CSMD1: variants seen among roughly 807,000 people sequenced by gnomAD.
CSMD1 encodes CUB and sushi domain-containing protein 1.
Under a neutral mutation model 417.5 loss-of-function variants are expected in CSMD1, and 213 were observed. That is an observed-to-expected ratio of 0.51 (90% CI 0.46 to 0.57). The LOEUF (loss-of-function observed/expected upper bound fraction) is 0.57, where lower values mean the gene tolerates loss of function less well. Ranked by LOEUF, CSMD1 falls within the 20% of genes least tolerant of loss-of-function variation. The probability of loss-of-function intolerance (pLI) is 0.00; values close to 1 mark genes in which losing one functional copy is unlikely to be tolerated. For synonymous variants in CSMD1, 2,862 were observed against 1,736.8 expected, an observed-to-expected ratio of 1.65 and a Z score of -16.11; for missense variants, 6,923 against 4,529.7, an observed-to-expected ratio of 1.53 and a Z score of -15.17.
At chr8:4,790,873 A>G (rs1443656731) in intron 1 of CSMD1, among the ~76,000 whole-genome samples, 3 of 152,190 alleles carry the variant, frequency 2.0e-5, no homozygotes, top group African/African-American at 7.2e-5. Flanking sequence ...CTAAACTATA[A>G]AAACCCTAGA....
intron 1 of CSMD1, among the ~76,000 whole-genome samples, chr8:4,870,992 A>T (rs28457846): frequency 6.6e-6 from 1 of 151,962 alleles, no homozygotes; most frequent in African/African-American, 2.4e-5. Flanking sequence ...GGGATGCCAC[A>T]GGGTCTGGTC....
intron 5 of CSMD1, among the ~76,000 whole-genome samples, chr8:3,996,753 C>T (rs1024718524): frequency 6.6e-5 from 10 of 152,144 alleles, no homozygotes; most frequent in Non-Finnish European, 1.3e-4. Flanking sequence ...CTTCCTCCCT[C>T]CTATTTGAAA....
intron 11 of CSMD1, among the ~76,000 whole-genome samples, chr8:3,478,503 T>C (rs970169864): frequency 6.6e-6 from 1 of 152,014 alleles, no homozygotes; most frequent in Non-Finnish European, 1.5e-5. Flanking sequence ...CAGAAGACAC[T>C]GCTAAAATGT....
At chr8:4,784,951 T>G (rs1797324279) in intron 1 of CSMD1, among the ~76,000 whole-genome samples, 1 of 149,752 alleles carries the variant, frequency 6.7e-6, no homozygotes, top group African/African-American at 2.5e-5. Context: ...ATTAGGCTCA[T>G]AAGTGGTAAA....
intron 3 of CSMD1, among the ~76,000 whole-genome samples, chr8:4,121,149 C>G (rs1201476490): frequency 3.9e-5 from 6 of 152,048 alleles, no homozygotes; most frequent in Admixed American, 3.3e-4. Context: ...GAGTCTCACT[C>G]TGTTGTCCAG....
rs548077086 is a variant in CSMD1, at chr8:3,183,174, T to A, written c.5621-1960A>T. On this transcript the variant is annotated intron_variant, in intron 36 of 69. Coordinates refer to ENST00000635120, the MANE Select transcript of CSMD1 (RefSeq NM_033225.6). ...ATCTATCCCTGAAACATCGAGTAGG[T>A]CTCTAACGCCTAATCTATCTATCCC... is the stretch of plus-strand genomic sequence containing the variant. 6.0e-5 allele frequency: 8 copies of A among 133,154 alleles called. No individual in the cohort carries two copies. In the East Asian group the frequency reaches 1.5e-3, roughly 24 times the overall value. 8.2% of individuals were successfully genotyped at this position (133,154 alleles called of 1,614,324 possible). A position where few individuals can be genotyped will look rare whatever the true frequency, so the allele number is the denominator to read the frequency against.
chr8:4,112,638 A>C (rs1292991018), intron 3 of CSMD1, among the ~76,000 whole-genome samples: 1 of 152,190 alleles, frequency 6.6e-6, no homozygotes, highest in East Asian at 1.9e-4. Flanking sequence ...ACCTGTCCAA[A>C]GGGGATCCTG....
chr8:4,640,646 G>C (rs1487927346), intron 1 of CSMD1, among the ~76,000 whole-genome samples: 7 of 152,060 alleles, frequency 4.6e-5, no homozygotes, highest in African/African-American at 1.7e-4. Context: ...CTTCAAACAA[G>C]TGGATTATTT....
At chr8:4,186,753 G>A (rs1798700845) in intron 3 of CSMD1, among the ~76,000 whole-genome samples, 1 of 151,834 alleles carries the variant, frequency 6.6e-6, no homozygotes, top group African/African-American at 2.4e-5. Flanking sequence ...TTGGGAAGCT[G>A]AGGCGGGTGG....
intron 65 of CSMD1, 111 bp downstream of exon 65, chr8:2,954,113 T>C: frequency 2.0e-6 from 1 of 512,662 alleles, no homozygotes. Flanking sequence ...ATTAACTTGG[T>C]CGTGGACTAA....
intron 22 of CSMD1, among the ~76,000 whole-genome samples, chr8:3,345,013 G>T (rs893965299): frequency 6.6e-6 from 1 of 152,276 alleles, no homozygotes; most frequent in Middle Eastern, 3.4e-3. Context: ...AATTCCAGAG[G>T]AATCTGGGTC....
rs551825554 is a variant in CSMD1 at position 4,745,304 on chromosome 8, G to C, written c.86-107746C>G. The stretch of plus-strand genomic sequence containing the variant: ...TTAAAAACACTATTGCAGCCTAATG[G>C]ATTACACTCTGGTTTTATTACTAAG... On this transcript the variant is annotated intron_variant, in intron 1 of 69. Transcript: ENST00000635120. Among the ~76,000 whole-genome samples, 61 of 152,184 alleles carry C rather than the reference G, an allele frequency of 4.0e-4. 2 individuals carry two copies. The highest frequency in any genetic ancestry group is 1.3e-4 in the Non-Finnish European group (9 of 67,992).
chr8:4,241,879 G>C (rs752416729), intron 3 of CSMD1, among the ~76,000 whole-genome samples: 1 of 152,074 alleles, frequency 6.6e-6, no homozygotes, highest in Admixed American at 6.5e-5. Flanking sequence ...GAGAAAGATG[G>C]AGGCAGAATG....
intron 7 of CSMD1, among the ~76,000 whole-genome samples, chr8:3,679,575 C>G (rs1799546652): frequency 6.6e-6 from 1 of 152,144 alleles, no homozygotes; most frequent in Admixed American, 6.5e-5. Flanking sequence ...GACTCCCACA[C>G]AATAATAATG....
rs78424477 is a variant in CSMD1, at chr8:3,824,674, A to G, written c.819-70632T>C. 9.2e-3 allele frequency among the ~76,000 whole-genome samples: 1,398 copies of G among 152,274 alleles called. 33 individuals are homozygous for G. The highest frequency in any genetic ancestry group is 0.031 in the African/African-American group (1,276 of 41,542). ...GCATTTGTTATATATTGAGTTAATG[A>G]TGTATATTAATATTAATTTTACCTG... On this transcript the variant is annotated intron_variant, in intron 5 of 69. Transcript: ENST00000635120.
intron 2 of CSMD1, among the ~76,000 whole-genome samples, chr8:4,458,953 CGAG>C: frequency 6.6e-6 from 1 of 152,162 alleles, no homozygotes; most frequent in East Asian, 1.9e-4. Flanking sequence ...TGTAAACCAA[CGAG>C]GAAACATCTA....
At position 4,312,372 on chromosome 8, in the gene CSMD1, AAC is replaced by A. The variant is rs1191266311; in HGVS notation, c.415+107579_415+107580del. On this transcript the variant is annotated intron_variant, in intron 3 of 69. Coordinates refer to ENST00000635120, the MANE Select transcript of CSMD1 (RefSeq NM_033225.6). The stretch of plus-strand genomic sequence containing the variant: ...AAAATAAGCTAATTACTTTTAATGG[AAC>A]AAATATATATATATATATACATACA... Among the ~76,000 whole-genome samples the A allele has an allele frequency of 6.4e-3, 533 of 82,722 alleles. 29 individuals carry two copies. Among genetic ancestry groups the A allele is most frequent in the African/African-American group, 0.029 (507 of 17,578 alleles). 54.3% of individuals were successfully genotyped at this position (82,722 alleles called of 152,430 possible). A position where few individuals can be genotyped will look rare whatever the true frequency, so the allele number is the denominator to read the frequency against.
chr8:3,273,268 C>T (rs567512078), intron 26 of CSMD1, among the ~76,000 whole-genome samples: 1 of 151,980 alleles, frequency 6.6e-6, no homozygotes, highest in East Asian at 1.9e-4. Context: ...AGCCTTGCAT[C>T]CCAGGGATGA....
chr8:4,113,174 C>T (rs115951959), intron 3 of CSMD1, among the ~76,000 whole-genome samples: 1 of 152,006 alleles, frequency 6.6e-6, no homozygotes, highest in Non-Finnish European at 1.5e-5. Flanking sequence ...CTTCCTAGCC[C>T]CAGAGACACA....
Sources: gnomAD v4.1 joint callset for allele counts (sites outside exome capture counted in the v4.1 genomes callset) on GRCh38, gnomAD v4.1.1 for gene constraint, MANE v1.5 for transcripts, NCBI Gene and HGNC (gene_info 2026-07-23, HGNC 2026-07-21) for gene names.